PCDHGA5: variants seen among roughly 807,000 people sequenced by gnomAD.
PCDHGA5 encodes protocadherin gamma-A5.
A neutral mutation model predicts 56.7 loss-of-function variants in PCDHGA5; 36 were observed. The observed-to-expected ratio is 0.64, with a 90% CI of 0.49 to 0.84. The LOEUF is 0.84. Ranked by LOEUF, PCDHGA5 falls within the 40% of genes least tolerant of loss-of-function variation. The probability of loss-of-function intolerance (pLI) is 0.00; values close to 1 mark genes in which losing one functional copy is unlikely to be tolerated. For missense variants in PCDHGA5, 1,305 were observed against 1,201.5 expected (o/e 1.09, Z -1.27); for synonymous variants, 563 against 520.2 (o/e 1.08, Z -1.12).
At chr5:141,418,693 T>C (rs989725231) in intron 1 of PCDHGA5, 1 of 1,613,922 alleles carries the variant, frequency 6.2e-7, no homozygotes, top group South Asian at 1.1e-5. Context: ...CAGAGATCAC[T>C]TATTCCTTCT....
chr5:141,457,168 C>T (rs10072917), intron 1 of PCDHGA5, among the ~76,000 whole-genome samples: 42,426 of 152,004 alleles, frequency 0.28, 6,644 homozygotes, highest in African/African-American at 0.43. Context: ...ATGGATAACC[C>T]TATTGCAAAT....
chr5:141,428,025 G>C, intron 1 of PCDHGA5: 1 of 1,606,426 alleles, frequency 6.2e-7, no homozygotes, highest in Non-Finnish European at 8.5e-7. Flanking sequence ...ACGCGCCGCA[G>C]AGTCCGGCTA....
At chr5:141,419,306 C>T in intron 1 of PCDHGA5, 1 of 1,614,032 alleles carries the variant, frequency 6.2e-7, no homozygotes, top group Non-Finnish European at 8.5e-7. Context: ...AGACTTCGGG[C>T]TCAACGGCCG....
At chr5:141,506,669 A>C (rs1293213848) in intron 3 of PCDHGA5, among the ~76,000 whole-genome samples, 1 of 152,198 alleles carries the variant, frequency 6.6e-6, no homozygotes, top group African/African-American at 2.4e-5. Flanking sequence ...GTAAGGGCAC[A>C]ATATATTATT....
At chr5:141,388,390 A>C (rs202036029) in intron 1 of PCDHGA5, 182 of 1,613,912 alleles carry the variant, frequency 1.1e-4, no homozygotes, top group Non-Finnish European at 1.4e-4. Context: ...ACACTGCAGA[A>C]TTACCAACTC....
At chr5:141,464,556 G>A (rs1158827360) in intron 1 of PCDHGA5, among the ~76,000 whole-genome samples, 4 of 151,990 alleles carry the variant, frequency 2.6e-5, no homozygotes, top group Admixed American at 6.6e-5. Flanking sequence ...TCCCCATCTT[G>A]CATTCCTACA....
chr5:141,509,371 T>C (rs2099876508), intron 3 of PCDHGA5, among the ~76,000 whole-genome samples: 1 of 152,258 alleles, frequency 6.6e-6, no homozygotes, highest in South Asian at 2.1e-4. Context: ...AGGTTTTAAC[T>C]GTCTCCTAAC....
Position 141,386,987 on chromosome 5 carries a change from A to G in PCDHGA5, c.2421+20236A>G, listed in dbSNP as rs147872708. 4.1e-3 allele frequency among the ~76,000 whole-genome samples: 628 copies of G among 152,308 alleles called. 4 individuals carry two copies. The highest frequency in any genetic ancestry group is 3.9e-3 in the Non-Finnish European group (262 of 68,032). ...CTCAGTGACTTTGTGTTTTGAGGCTATGTATTATCCCCCTGATAACTTTGA... is the reference window on the plus strand; with the variant it reads ...CTCAGTGACTTTGTGTTTTGAGGCTGTGTATTATCCCCCTGATAACTTTGA... On this transcript the variant is annotated intron_variant, in intron 1 of 3. Transcript: ENST00000518069.
intron 1 of PCDHGA5, chr5:141,389,498 A>C: frequency 6.2e-7 from 1 of 1,613,046 alleles, no homozygotes; most frequent in African/African-American, 1.3e-5. Context: ...AGGGCTCGCC[A>C]GCGCTCAGCG....
chr5:141,454,503 T>A (rs988138847), intron 1 of PCDHGA5, among the ~76,000 whole-genome samples: 1 of 152,308 alleles, frequency 6.6e-6, no homozygotes, highest in Non-Finnish European at 1.5e-5. Flanking sequence ...ACCTCCTGGA[T>A]TCAGGCAGTT....
chr5:141,396,813 T>C (rs1031435038), intron 1 of PCDHGA5, among the ~76,000 whole-genome samples: 4 of 152,240 alleles, frequency 2.6e-5, no homozygotes, highest in African/African-American at 9.6e-5. Context: ...AGTGTTCTAC[T>C]GTATGGTGCA....
chr5:141,475,978 G>C, intron 1 of PCDHGA5: 1 of 1,010,712 alleles, frequency 9.9e-7, no homozygotes, highest in Non-Finnish European at 1.4e-6. Context: ...AGACTGAACA[G>C]CCGGCGAGCA....
rs1002764667 is a variant in PCDHGA5, at chr5:141,468,260, G to A, written c.2422-26547G>A. 4.0e-5 allele frequency among the ~76,000 whole-genome samples: 6 copies of A among 150,102 alleles called. No homozygotes were observed. The East Asian group carries it at 1.2e-3, about 30-fold the overall frequency. ...GAATTGCCTGAACCTGGGAGGCAGA[G>A]GTTGTGGTGAGCCGAGACCACGCCA... On this transcript the variant is annotated intron_variant, in intron 1 of 3. Coordinates refer to ENST00000518069, the MANE Select transcript of PCDHGA5 (RefSeq NM_018918.3).
intron 1 of PCDHGA5, chr5:141,409,621 A>G: frequency 6.2e-7 from 1 of 1,613,852 alleles, no homozygotes; most frequent in Non-Finnish European, 8.5e-7. Context: ...CCATTGCGCA[A>G]GTGAGCGCCT....
At chr5:141,409,538 A>G (rs772375542) in intron 1 of PCDHGA5, 5 of 1,613,844 alleles carry the variant, frequency 3.1e-6, no homozygotes, top group Non-Finnish European at 4.2e-6. Flanking sequence ...CGCTGACATC[A>G]ACGACAACGC....
Position 141,387,188 on chromosome 5 carries a change from A to AT in PCDHGA5, c.2421+20441dup, listed in dbSNP as rs756053244. On this transcript the variant is annotated intron_variant, in intron 1 of 3. Transcript: ENST00000518069. ...TATAAATTGCACCTTCTAAAAGGCA[A>AT]TTTTGGTATTACTGATACTCTCCGG... is the stretch of plus-strand genomic sequence containing the variant. Among the ~76,000 whole-genome samples the AT allele has an allele frequency of 1.8e-3, 273 of 152,232 alleles. 6 individuals carry two copies. Among genetic ancestry groups the AT allele is most frequent in the Non-Finnish European group, 6.8e-4 (46 of 68,046 alleles).
chr5:141,407,706 G>C (rs1350991580), intron 1 of PCDHGA5, among the ~76,000 whole-genome samples: 3 of 152,006 alleles, frequency 2.0e-5, no homozygotes, highest in Admixed American at 1.3e-4. Context: ...GTTGAAGGTG[G>C]GGTGATGGCT....
At chr5:141,413,432 G>A (rs1193674962) in intron 1 of PCDHGA5, 1 of 1,613,992 alleles carries the variant, frequency 6.2e-7, no homozygotes, top group African/African-American at 1.3e-5. Flanking sequence ...CCGCGCAGCG[G>A]CAGCTTGATC....
chr5:141,417,556 A>G, intron 1 of PCDHGA5: 1 of 333,096 alleles, frequency 3.0e-6, no homozygotes, highest in Non-Finnish European at 5.4e-6. Flanking sequence ...TGAAAGAGGT[A>G]GAGAAAAGTC....
Sources: gnomAD v4.1 joint callset for allele counts (sites outside exome capture counted in the v4.1 genomes callset) on GRCh38, gnomAD v4.1.1 for gene constraint, MANE v1.5 for transcripts, NCBI Gene and HGNC (gene_info 2026-07-23, HGNC 2026-07-21) for gene names.